The following FHIT variants were observed in gnomAD, a reference collection of about 807,000 sequenced individuals.
The protein encoded by FHIT is fragile histidine triad diadenosine triphosphatase.
In FHIT, 19 loss-of-function variants were observed where a neutral mutation model predicts 17.9. The ratio of observed to expected loss-of-function variants is 1.06; its 90% CI spans 0.74 to 1.56. The LOEUF (loss-of-function observed/expected upper bound fraction) is 1.56. FHIT is among the 40% of genes most tolerant of loss of function. FHIT has a pLI of 0.00. For missense variants in FHIT, 248 were observed against 189.2 expected, an observed-to-expected ratio of 1.31 and a Z score of -1.82; for synonymous variants, 81 against 69.7, an observed-to-expected ratio of 1.16 and a Z score of -0.81.
At chr3:60,288,963 C>A (rs899548142) in intron 5 of FHIT, among the ~76,000 whole-genome samples, 1 of 152,124 alleles carries the variant, frequency 6.6e-6, no homozygotes, top group Non-Finnish European at 1.5e-5. Flanking sequence ...CCACCGTGGT[C>A]TTTTGCCTAT....
At chr3:60,158,888 C>T (rs1388987575) in intron 5 of FHIT, among the ~76,000 whole-genome samples, 1 of 152,124 alleles carries the variant, frequency 6.6e-6, no homozygotes, top group Non-Finnish European at 1.5e-5. Context: ...CTAACACCCT[C>T]TTACTGAGAT....
intron 5 of FHIT, among the ~76,000 whole-genome samples, chr3:60,041,370 C>T (rs1035866494): frequency 6.6e-6 from 1 of 152,142 alleles, no homozygotes; most frequent in Non-Finnish European, 1.5e-5. Flanking sequence ...TTTTCTTGAG[C>T]CAATGACTTC....
At chr3:60,312,032 T>C (rs931663729) in intron 5 of FHIT, among the ~76,000 whole-genome samples, 4 of 152,174 alleles carry the variant, frequency 2.6e-5, no homozygotes, top group African/African-American at 7.2e-5. Flanking sequence ...TAAACTGAAA[T>C]ACAATTTTTA....
At chr3:60,667,318 T>C (rs2040404297) in intron 4 of FHIT, among the ~76,000 whole-genome samples, 2 of 152,142 alleles carry the variant, frequency 1.3e-5, no homozygotes, top group African/African-American at 4.8e-5. Context: ...ATTGCTCTGA[T>C]TGGGTGGATT....
intron 7 of FHIT, among the ~76,000 whole-genome samples, chr3:60,003,858 C>CTT (rs35165735): frequency 0.018 from 2,543 of 145,020 alleles, 88 homozygotes; most frequent in African/African-American, 0.06. Flanking sequence ...ATTTATTTTA[C>CTT]TTTTTTTTTT....
chr3:59,799,652 G>T (rs1699916431), intron 8 of FHIT, among the ~76,000 whole-genome samples: 1 of 152,156 alleles, frequency 6.6e-6, no homozygotes, highest in Non-Finnish European at 1.5e-5. Context: ...GAGGGGGATA[G>T]GGAAGAGAAG....
intron 5 of FHIT, among the ~76,000 whole-genome samples, chr3:60,492,549 C>G (rs1001188032): frequency 2.6e-5 from 4 of 151,044 alleles, no homozygotes; most frequent in Admixed American, 1.3e-4. Context: ...CTCTGTTGCC[C>G]AGGCTGGAGT....
intron 3 of FHIT, among the ~76,000 whole-genome samples, chr3:61,000,080 C>A (rs1220333478): frequency 6.6e-6 from 1 of 152,152 alleles, no homozygotes; most frequent in African/African-American, 2.4e-5. Context: ...TGGGGGTACA[C>A]AAACATTGAG....
chr3:60,562,414 T>G (rs187593768), intron 4 of FHIT, among the ~76,000 whole-genome samples: 1 of 152,080 alleles, frequency 6.6e-6, no homozygotes, highest in Non-Finnish European at 1.5e-5. Context: ...TTGAGATAAA[T>G]TGGCCAGGTG....
chr3:60,337,940 A>G (rs1246762720), intron 5 of FHIT, among the ~76,000 whole-genome samples: 2 of 152,190 alleles, frequency 1.3e-5, no homozygotes, highest in African/African-American at 2.4e-5. Context: ...ACAGTCACAC[A>G]TTACTATCAA....
chr3:60,017,297 C>A (rs1284808422), intron 5 of FHIT, among the ~76,000 whole-genome samples: 1 of 152,194 alleles, frequency 6.6e-6, no homozygotes, highest in Non-Finnish European at 1.5e-5. Flanking sequence ...AAGGAGGCCT[C>A]AGCACTGGGC....
intron 5 of FHIT, among the ~76,000 whole-genome samples, chr3:60,065,595 G>C (rs954002512): frequency 9.9e-5 from 15 of 152,284 alleles, no homozygotes; most frequent in Admixed American, 7.8e-4. Context: ...CAAGCCCTTT[G>C]TTTTACACAG....
intron 5 of FHIT, among the ~76,000 whole-genome samples, chr3:60,034,607 G>T (rs1015068242): frequency 6.6e-6 from 1 of 152,176 alleles, no homozygotes; most frequent in African/African-American, 2.4e-5. Context: ...TTGGTATAAA[G>T]GCTGTCATCA....
chr3:61,216,979 C>G (rs1187940864), intron 1 of FHIT, among the ~76,000 whole-genome samples: 4 of 133,322 alleles, frequency 3.0e-5, no homozygotes, highest in South Asian at 2.5e-4. Flanking sequence ...GAATATCACA[C>G]TCTGGGGACT....
chr3:59,781,562 A>G (rs774912016), intron 8 of FHIT, among the ~76,000 whole-genome samples: 2 of 152,244 alleles, frequency 1.3e-5, no homozygotes, highest in Admixed American at 1.3e-4. Context: ...AGATTTCACT[A>G]TAATTCAAAG....
chr3:59,907,717 C>T (rs73841806), intron 8 of FHIT, among the ~76,000 whole-genome samples: 1 of 152,150 alleles, frequency 6.6e-6, no homozygotes. Context: ...GCTACTATAA[C>T]AAATTTCCAC....
intron 2 of FHIT, among the ~76,000 whole-genome samples, chr3:61,139,904 A>G (rs965584701): frequency 3.9e-5 from 6 of 152,192 alleles, no homozygotes; most frequent in Admixed American, 2.6e-4. Context: ...AAAATTCATC[A>G]GAAAAAAAGA....
At chr3:60,927,148 C>T (rs532841506) in intron 3 of FHIT, among the ~76,000 whole-genome samples, 3 of 152,164 alleles carry the variant, frequency 2.0e-5, no homozygotes, top group Non-Finnish European at 2.9e-5. Flanking sequence ...TGCAGGCGTG[C>T]GCTGCTAAGC....
intron 2 of FHIT, among the ~76,000 whole-genome samples, chr3:61,055,760 A>T (rs1436052151): frequency 6.6e-6 from 1 of 152,226 alleles, no homozygotes; most frequent in African/African-American, 2.4e-5. Context: ...ACATAAAAGG[A>T]GTCCCAATAC....
Sources: allele counts gnomAD v4.1 joint callset (sites outside exome capture counted in the v4.1 genomes callset), GRCh38; gene constraint gnomAD v4.1.1; transcripts MANE v1.5; gene names NCBI Gene and HGNC (gene_info 2026-07-23, HGNC 2026-07-21).